Variants in SEZ6 observed in about 807,000 individuals in gnomAD.
SEZ6 encodes the protein seizure related 6 homolog, also known as seizure protein 6 homolog.
A neutral mutation model predicts 101.0 loss-of-function variants in SEZ6; 53 were observed. The ratio of observed to expected loss-of-function variants is 0.52; its 90% confidence interval spans 0.42 to 0.66. The LOEUF is 0.66. Ranked by LOEUF, SEZ6 falls within the 30% of genes least tolerant of loss-of-function variation. The pLI is 0.00. For missense variants in SEZ6, 1,102 were observed against 1,289.4 expected, an observed-to-expected ratio of 0.85 and a Z score of 2.23; for synonymous variants, 488 against 512.2, an observed-to-expected ratio of 0.95 and a Z score of 0.64.
rs2040890128 is a variant in SEZ6 at position 28,957,042 on chromosome 17, C to T, written c.2692+3G>A. On this transcript the variant is annotated splice_donor_region_variant and intron_variant, in intron 13 of 16. Coordinates refer to ENST00000317338, the MANE Select transcript of SEZ6 (RefSeq NM_178860.5). ...GGGTTTTGAGGGGTGACAGGGCACT[C>T]ACCAGCCCTACAGATGGGTGGGGGG... 1 of 1,581,688 alleles carries T rather than the reference C, an allele frequency of 6.3e-7. No individual in the cohort carries two copies. The highest frequency in any genetic ancestry group is 1.3e-5 in the African/African-American group (1 of 74,536).
At chr17:28,974,434 A>T (rs150718633) in intron 3 of SEZ6, among the ~76,000 whole-genome samples, 77 of 152,246 alleles carry the variant, frequency 5.1e-4, no homozygotes, top group African/African-American at 1.7e-3. Flanking sequence ...GCATGCCCTC[A>T]CACACCCGTG....
intron 10 of SEZ6, among the ~76,000 whole-genome samples, chr17:28,958,710 A>C (rs2040923630): frequency 6.6e-6 from 1 of 151,774 alleles, no homozygotes; most frequent in African/African-American, 2.4e-5. Flanking sequence ...GAATCGCTTG[A>C]GCCCAGGAGG....
chr17:28,982,765 C>T (rs1841627354), intron 1 of SEZ6, among the ~76,000 whole-genome samples: 1 of 152,084 alleles, frequency 6.6e-6, no homozygotes, highest in East Asian at 1.9e-4. Flanking sequence ...AGCGATCCTC[C>T]CACCTCAGCC....
intron 1 of SEZ6, among the ~76,000 whole-genome samples, chr17:28,994,582 G>A (rs2041510274): frequency 6.6e-6 from 1 of 151,882 alleles, no homozygotes; most frequent in Non-Finnish European, 1.5e-5. Context: ...CTAATTTTTT[G>A]TATTTTTTAG....
intron 14 of SEZ6, 28 bp from the exon 15 acceptor site, chr17:28,956,495 C>G: frequency 6.5e-7 from 1 of 1,542,514 alleles, no homozygotes; most frequent in Non-Finnish European, 8.8e-7. Flanking sequence ...GTGACTGGAG[C>G]AGAGGTCTCT....
chr17:28,975,772 A>G (rs1437366271), intron 3 of SEZ6, among the ~76,000 whole-genome samples: 1 of 152,234 alleles, frequency 6.6e-6, no homozygotes, highest in South Asian at 2.1e-4. Context: ...CTGGCCTGGC[A>G]TGGGCGAGCT....
intron 5 of SEZ6, among the ~76,000 whole-genome samples, chr17:28,962,427 G>T (rs992374281): frequency 1.3e-5 from 2 of 152,198 alleles, no homozygotes; most frequent in Non-Finnish European, 2.9e-5. Flanking sequence ...GGCTGAGAAA[G>T]CATCTGTGTT....
chr17:28,969,688 A>T (rs2041121890), intron 4 of SEZ6, 69 bp downstream of exon 4: 6 of 1,345,724 alleles, frequency 4.5e-6, no homozygotes, highest in Non-Finnish European at 4.8e-6. Context: ...AATTGCACAG[A>T]GACCCCCCTC....
intron 3 of SEZ6, among the ~76,000 whole-genome samples, chr17:28,978,706 A>G (rs534766911): frequency 9.2e-5 from 14 of 152,242 alleles, no homozygotes; most frequent in African/African-American, 3.1e-4. Context: ...GAGCCCTTAG[A>G]GAGGTGTAGG....
chr17:28,980,519 C>G (rs2152689049), intron 2 of SEZ6, among the ~76,000 whole-genome samples: 1 of 151,810 alleles, frequency 6.6e-6, no homozygotes, highest in Non-Finnish European at 1.5e-5. Context: ...ACGGGCACCC[C>G]CCACTACGCC....
intron 1 of SEZ6, among the ~76,000 whole-genome samples, chr17:28,985,632 C>T (rs958921519): frequency 6.6e-6 from 1 of 152,210 alleles, no homozygotes; most frequent in Admixed American, 6.5e-5. Flanking sequence ...GGTTAGGCAG[C>T]CCCTGTCAGG....
intron 1 of SEZ6, among the ~76,000 whole-genome samples, chr17:28,986,023 C>A (rs1487004518): frequency 6.6e-6 from 1 of 152,238 alleles, no homozygotes; most frequent in Non-Finnish European, 1.5e-5. Context: ...CGCGGGCCAT[C>A]CCTGGTGGAG....
intron 3 of SEZ6, among the ~76,000 whole-genome samples, chr17:28,973,933 C>G (rs772681784): frequency 5.9e-5 from 9 of 152,200 alleles, no homozygotes; most frequent in Non-Finnish European, 1.2e-4. Context: ...CTGTCTAACA[C>G]TGCCCTGCTT....
intron 1 of SEZ6, among the ~76,000 whole-genome samples, chr17:28,997,970 C>G: frequency 6.6e-6 from 1 of 152,164 alleles, no homozygotes; most frequent in East Asian, 1.9e-4. Flanking sequence ...CCCCCACCCC[C>G]AGGCTCTGGG....
chr17:28,985,257 A>G (rs1480838703), intron 1 of SEZ6, among the ~76,000 whole-genome samples: 2 of 152,212 alleles, frequency 1.3e-5, no homozygotes, highest in Non-Finnish European at 1.5e-5. Flanking sequence ...ATCTCACGCC[A>G]TTTAGAAGTC....
chr17:28,981,843 T>C lies in SEZ6; in HGVS notation c.252A>G (p.Gly84=), dbSNP rs1168820906. The part of the protein sequence containing the change: ...EEFLQEGLEK[G]DEELRPALPF... ...GCAGTGCTGGCCTCAGCTCCTCATC[T>C]CCCTTTTCCAGCCCCTCTTGTAGGA... Residue 84 remains glycine (G), a synonymous_variant, in exon 2 of 17, where the codon GGA becomes GGG. Coordinates refer to ENST00000317338, the MANE Select transcript of SEZ6 (RefSeq NM_178860.5). The C allele has an allele frequency of 1.2e-6, 2 of 1,613,888 alleles. No homozygotes were observed. Among genetic ancestry groups the C allele is most frequent in the Non-Finnish European group, 1.7e-6 (2 of 1,179,856 alleles).
chr17:28,967,785 G>A (rs2041092280), intron 4 of SEZ6, among the ~76,000 whole-genome samples: 1 of 152,136 alleles, frequency 6.6e-6, no homozygotes, highest in Non-Finnish European at 1.5e-5. Flanking sequence ...ACTGTAGGAG[G>A]CTGGGGGCAG....
intron 3 of SEZ6, among the ~76,000 whole-genome samples, chr17:28,974,805 A>C (rs2041200516): frequency 6.6e-6 from 1 of 152,204 alleles, no homozygotes; most frequent in African/African-American, 2.4e-5. Context: ...AGATCCTGAC[A>C]GGTACCGGTC....
At position 28,981,748 on chromosome 17, in the gene SEZ6, C is replaced by A. The variant is rs573525885; in HGVS notation, c.347G>T (p.Arg116Leu). ...PLPRLANQDS[R>L]PVFTSPTPAM... ...TGGAGTGGGGCTGGTAAAGACAGGG[C>A]GGCTGTCCTGGTTGGCCAGGCGGGG... The change falls in exon 2 of 17, where the codon CGC becomes CTC. Residue 116 changes from arginine (R) to leucine (L), a missense_variant. Coordinates refer to ENST00000317338, the MANE Select transcript of SEZ6 (RefSeq NM_178860.5). The A allele has an allele frequency of 5.6e-5, 90 of 1,609,032 alleles. 1 individual carries two copies. In the South Asian group the frequency reaches 8.3e-4, roughly 15 times the overall value.
Sources: allele counts gnomAD v4.1 joint callset (sites outside exome capture counted in the v4.1 genomes callset), GRCh38; gene constraint gnomAD v4.1.1; transcripts MANE v1.5; gene names NCBI Gene and HGNC (gene_info 2026-07-23, HGNC 2026-07-21).